The following PFKFB2 variants were observed in gnomAD, a reference collection of about 807,000 sequenced individuals.
PFKFB2 encodes 6-phosphofructo-2-kinase/fructose-2,6-bisphosphatase 2.
PFKFB2 carries 53 observed loss-of-function variants against 68.0 expected under a neutral mutation model. The observed-to-expected ratio is 0.78, with a 90% confidence interval of 0.63 to 0.98. PFKFB2 has a LOEUF of 0.98. Ranked by LOEUF, PFKFB2 falls within the 50% of genes least tolerant of loss-of-function variation. PFKFB2 has a pLI of 0.00. For missense variants in PFKFB2, 451 were observed against 642.0 expected (o/e 0.70, Z 3.22); for synonymous variants, 222 against 227.6 (o/e 0.98, Z 0.22).
At chr1:207,057,477 CA>C (rs1278302198) in intron 2 of PFKFB2, among the ~76,000 whole-genome samples, 2 of 144,768 alleles carry the variant, frequency 1.4e-5, no homozygotes, top group Non-Finnish European at 3.0e-5. Context: ...GACTCCATCT[CA>C]GGGGGAAAAA....
chr1:207,061,165 TTATATATATATATATATATATA>T lies in PFKFB2; in HGVS notation c.86-772_86-751del, dbSNP rs201702529. Among the ~76,000 whole-genome samples the T allele has an allele frequency of 6.8e-3, 306 of 45,166 alleles. 21 individuals carry two copies. The highest frequency in any genetic ancestry group is 0.023 in the African/African-American group (254 of 11,096). 29.6% of individuals were successfully genotyped at this position (45,166 alleles called of 152,430 possible). On this transcript the variant is annotated intron_variant, in intron 2 of 14. Coordinates refer to ENST00000367080, the MANE Select transcript of PFKFB2 (RefSeq NM_006212.2). ...TCTTTATATATATTTATATATATCT[TTATATATATATATATATATATA>T]TATATATATATATATTTTAAGAGAC... is the stretch of plus-strand genomic sequence containing the variant.
chr1:207,042,549 C>CAAAAGAA (rs1682499874), intron 2 of PFKFB2, among the ~76,000 whole-genome samples: 1 of 44,714 alleles, frequency 2.2e-5, no homozygotes, highest in Non-Finnish European at 4.2e-5. Flanking sequence ...CTCTGTCTCA[C>CAAAAGAA]AAAAAAAAAA....
intron 7 of PFKFB2, among the ~76,000 whole-genome samples, chr1:207,064,136 A>C (rs1233163086): frequency 6.6e-6 from 1 of 152,082 alleles, no homozygotes; most frequent in Non-Finnish European, 1.5e-5. Flanking sequence ...TATTATCTGG[A>C]TGTTGAGACC....
chr1:207,057,316 A>C (rs1350796193), intron 2 of PFKFB2, among the ~76,000 whole-genome samples: 3 of 148,354 alleles, frequency 2.0e-5, no homozygotes, highest in African/African-American at 7.4e-5. Flanking sequence ...AAAAAAAAAA[A>C]AAAAAAAAAA....
rs759818347 is a variant in PFKFB2, at chr1:207,067,552, G to C, written c.686G>C (p.Arg229Thr). Residue 229 changes from arginine to threonine, a missense_variant, in exon 9 of 15, where the codon AGA becomes ACA. Transcript: ENST00000367080. ...GTGGGCCAGCGATTTTTAGTCAACA[G>C]AGTCCAGGACTACATCCAGAGCAAG... is the stretch of plus-strand genomic sequence containing the variant. The part of the protein sequence containing the change: ...INVGQRFLVN[R>T]VQDYIQSKIV... 1 of 1,613,950 alleles carries C rather than the reference G, an allele frequency of 6.2e-7. No individual in the cohort carries two copies. The highest frequency in any genetic ancestry group is 1.7e-5 in the Admixed American group (1 of 60,014).
intron 10 of PFKFB2, among the ~76,000 whole-genome samples, chr1:207,069,103 C>G (rs1683392307): frequency 6.6e-6 from 1 of 152,126 alleles, no homozygotes; most frequent in African/African-American, 2.4e-5. Flanking sequence ...GGTCTCCAGT[C>G]CCTTCAGTTT....
upstream of PFKFB2, among the ~76,000 whole-genome samples, chr1:207,051,842 T>C (rs1210383848): frequency 6.6e-6 from 1 of 152,162 alleles, no homozygotes; most frequent in South Asian, 2.1e-4. Context: ...CCCAGGACTG[T>C]GCCTCGCAAA....
At chr1:207,038,371 G>A (rs764584828) in intron 1 of PFKFB2, among the ~76,000 whole-genome samples, 6 of 152,082 alleles carry the variant, frequency 3.9e-5, no homozygotes, top group East Asian at 1.9e-4. Flanking sequence ...ATATGAATTC[G>A]AGGAAATGCT....
rs1683510462 is a variant in PFKFB2 at position 207,072,902 on chromosome 1, C to T, written c.*531C>T. ...CTGGATTGTCCAGTGTAATGCATGG[C>T]ATTGTGGTGTCTGTCTAGGAAGGAA... is the stretch of plus-strand genomic sequence containing the variant. On this transcript the variant is annotated 3_prime_UTR_variant, in exon 15 of 15. Transcript: ENST00000367080. The T allele has an allele frequency of 1.0e-6, 1 of 986,150 alleles. No individual in the cohort carries two copies. Among genetic ancestry groups the T allele is most frequent in the Non-Finnish European group, 1.2e-6 (1 of 830,520 alleles). The allele number at this position is 986,150 out of a possible 1,614,324, so 61.1% of individuals were successfully genotyped here. A position where few individuals can be genotyped will look rare whatever the true frequency, so the allele number is the denominator to read the frequency against.
At position 207,063,293 on chromosome 1, in the gene PFKFB2, G is replaced by A. The variant is rs1683171617; in HGVS notation, c.376-54G>A. 6.3e-7 allele frequency: 1 copy of A among 1,582,926 alleles called. No individual in the cohort carries two copies. The highest frequency in any genetic ancestry group is 8.7e-7 in the Non-Finnish European group (1 of 1,151,658). ...CCAGCCCCACCTTGAGTCTGCCCTG[G>A]TGGGGTTCTGTTTCTCTGTTCCTGC... On this transcript the variant is annotated intron_variant, in intron 5 of 14. Transcript: ENST00000367080. This position sits in a 1 kb window ranked among gnomAD's most constrained non-coding sequence, Gnocchi z 4.1.
At chr1:207,053,172 C>T (rs1385479126), upstream of PFKFB2, 2 of 152,358 alleles carry the variant, frequency 1.3e-5, no homozygotes, top group Non-Finnish European at 2.9e-5. Flanking sequence ...CCCCCTGGGT[C>T]CTGCAGGCGC....
intron 2 of PFKFB2, among the ~76,000 whole-genome samples, chr1:207,043,293 G>A (rs950642472): frequency 1.3e-5 from 2 of 152,102 alleles, no homozygotes; most frequent in African/African-American, 4.8e-5. Context: ...CTGACCCCCA[G>A]AAATATATTT....
upstream of PFKFB2, among the ~76,000 whole-genome samples, chr1:207,050,252 A>G (rs563199709): frequency 5.3e-5 from 8 of 152,310 alleles, 1 homozygote; most frequent in South Asian, 1.7e-3. Context: ...GAAAATGAGT[A>G]TGCCTGTCAA....
chr1:207,056,061 G>C (rs1208916101), intron 2 of PFKFB2, among the ~76,000 whole-genome samples: 1 of 152,118 alleles, frequency 6.6e-6, no homozygotes, highest in African/African-American at 2.4e-5. Flanking sequence ...CAAGTTGCTT[G>C]TTCTCTCCAT....
Position 207,071,592 on chromosome 1 carries a change from T to G in PFKFB2, c.1350+19T>G. 3 of 1,591,536 alleles carry G rather than the reference T, an allele frequency of 1.9e-6. No homozygotes were observed. Among genetic ancestry groups the G allele is most frequent in the Non-Finnish European group, 2.6e-6 (3 of 1,159,486 alleles). On this transcript the variant is annotated intron_variant, in intron 14 of 14. Transcript: ENST00000367080. ...GCCAACTGTAAGTATTTTCCCACGA[T>G]GAACACACCAGTTTCCCTGCCACCT...
chr1:207,041,093 T>A (rs1235348184), intron 1 of PFKFB2, among the ~76,000 whole-genome samples: 1 of 151,894 alleles, frequency 6.6e-6, no homozygotes, highest in African/African-American at 2.4e-5. Context: ...CACGCCCGGC[T>A]ACTTTTTGTA....
upstream of PFKFB2, chr1:207,049,146 C>T (rs1682669229): frequency 6.2e-7 from 1 of 1,614,024 alleles, no homozygotes; most frequent in Non-Finnish European, 8.5e-7. Context: ...TAAACTGTCT[C>T]CTTCTTCTAG....
rs1273880584 is a variant in PFKFB2 at position 207,067,675 on chromosome 1, G to A, written c.809G>A (p.Gly270Asp). ...SEFNLLGKIG[G>D]DSGLSVRGKQ... ...TTCAATCTCTTGGGGAAGATTGGGG[G>A]TGACTCTGGCCTCTCGGTGCGGGGA... Residue 270 changes from glycine (G) to aspartate (D), a missense_variant, in exon 9 of 15, where the codon GGT (glycine) becomes GAT (aspartate). Physicochemically the swap from Gly to Asp is moderately conservative, Grantham distance 94 (BLOSUM62 -1). Transcript: ENST00000367080. 1.2e-6 allele frequency: 2 copies of A among 1,613,966 alleles called. No individual in the cohort carries two copies. The highest frequency in any genetic ancestry group is 3.3e-5 in the Admixed American group (2 of 59,984).
At position 207,070,279 on chromosome 1, in the gene PFKFB2, G is replaced by A. The variant is rs1472260060; in HGVS notation, c.1093-1G>A. On this transcript the variant is annotated splice_acceptor_variant, in intron 11 of 14. Coordinates refer to ENST00000367080, the MANE Select transcript of PFKFB2 (RefSeq NM_006212.2). LOFTEE classifies it high-confidence loss of function. The surrounding 1 kb of genome is among the most constrained non-coding windows in gnomAD (Gnocchi z 4.2). ...CCAGCCTGCCCCATTTCCCTCCACA[G>A]TCATACCAGGACCTGGTGCAGCGGC... 1 of 1,612,916 alleles carries A rather than the reference G, an allele frequency of 6.2e-7. No homozygotes were observed. Among genetic ancestry groups the A allele is most frequent in the East Asian group, 2.2e-5 (1 of 44,880 alleles).
Sources: allele counts gnomAD v4.1 joint callset (sites outside exome capture counted in the v4.1 genomes callset), GRCh38; gene constraint gnomAD v4.1.1; non-coding constraint Gnocchi (gnomAD v3.1); transcripts MANE v1.5; gene names NCBI Gene and HGNC (gene_info 2026-07-23, HGNC 2026-07-21).